PTPN18: variants seen among roughly 807,000 people sequenced by gnomAD.
The protein encoded by PTPN18 is tyrosine-protein phosphatase non-receptor type 18.
Under a neutral mutation model 65.4 loss-of-function variants are expected in PTPN18, and 65 were observed. The ratio of observed to expected loss-of-function variants is 0.99; its 90% CI spans 0.81 to 1.22. The LOEUF (loss-of-function observed/expected upper bound fraction) is 1.22, where lower values mean the gene tolerates loss of function less well. PTPN18 is among the 50% of genes most tolerant of loss of function. PTPN18 has a pLI of 0.00. For missense variants in PTPN18, 616 were observed against 646.5 expected, an observed-to-expected ratio of 0.95 and a Z score of 0.51; for synonymous variants, 255 against 267.8, an observed-to-expected ratio of 0.95 and a Z score of 0.47.
Position 130,373,154 on chromosome 2 carries a change from C to T in PTPN18, c.1316-3C>T, listed in dbSNP as rs1297176429. The stretch of plus-strand genomic sequence containing the variant: ...GAGACCCACGGCACCCTTCTTCTCC[C>T]AGGTTTCAACCTGCGCATTGGGAGG... On this transcript the variant is annotated splice_polypyrimidine_tract_variant and splice_region_variant and intron_variant, in intron 14 of 14. Coordinates refer to ENST00000175756, the MANE Select transcript of PTPN18 (RefSeq NM_014369.4). This position sits in a 1 kb window ranked among gnomAD's most constrained non-coding sequence, Gnocchi z 4.1. 2 of 1,578,590 alleles carry T rather than the reference C, an allele frequency of 1.3e-6. No individual in the cohort carries two copies. The highest frequency in any genetic ancestry group is 2.7e-5 in the African/African-American group (2 of 73,678).
In PTPN18 at chr2:130,369,831, C is replaced by A; in HGVS notation, c.546+4C>A. The A allele has an allele frequency of 6.3e-7, 1 of 1,591,098 alleles. No individual in the cohort carries two copies. Among genetic ancestry groups the A allele is most frequent in the Non-Finnish European group, 8.6e-7 (1 of 1,159,614 alleles). On this transcript the variant is annotated splice_donor_region_variant and intron_variant, in intron 7 of 14. Coordinates refer to ENST00000175756, the MANE Select transcript of PTPN18 (RefSeq NM_014369.4). ...CCTCAAGGTCACATTCCAGAAGGTACTGTGACAGGGGAGGAGGAGGTAAAG... is the reference window on the plus strand; with the variant it reads ...CCTCAAGGTCACATTCCAGAAGGTAATGTGACAGGGGAGGAGGAGGTAAAG...
chr2:130,359,001 C>A, intron 2 of PTPN18, 26 bp downstream of exon 2: 3 of 1,609,414 alleles, frequency 1.9e-6, no homozygotes, highest in Non-Finnish European at 1.7e-6. Context: ...CGTAGGGAGT[C>A]GGTGCAGCCT....
At chr2:130,359,888 T>TC in intron 5 of PTPN18, 1 of 566,036 alleles carries the variant, frequency 1.8e-6, no homozygotes, top group South Asian at 2.1e-5. Context: ...AAGGCCCTAT[T>TC]CTGACTGCTT....
At chr2:130,372,676 C>A in intron 13 of PTPN18, 193 bp downstream of exon 13, 1 of 965,054 alleles carries the variant, frequency 1.0e-6, no homozygotes, top group Non-Finnish European at 1.5e-6. Flanking sequence ...AGTCGCGGTC[C>A]AGGGGCAGGG....
intron 5 of PTPN18, among the ~76,000 whole-genome samples, chr2:130,364,693 G>A (rs1235335699): frequency 6.6e-6 from 1 of 152,214 alleles, no homozygotes; most frequent in East Asian, 1.9e-4. Context: ...CTACTCGGGA[G>A]GCTGAGGCAA....
chr2:130,368,537 C>T (rs1201233107), intron 5 of PTPN18, among the ~76,000 whole-genome samples: 1 of 152,198 alleles, frequency 6.6e-6, no homozygotes, highest in East Asian at 1.9e-4. Context: ...TCCTACAGAT[C>T]CCTACTATTC....
chr2:130,373,332 T>A lies in PTPN18; in HGVS notation c.*108T>A. 1 of 1,177,696 alleles carries A rather than the reference T, an allele frequency of 8.5e-7. No individual in the cohort carries two copies. The highest frequency in any genetic ancestry group is 1.2e-6 in the Non-Finnish European group (1 of 861,140). 73.0% of individuals were successfully genotyped at this position (1,177,696 alleles called of 1,614,324 possible). ...GGAAACAGTGGGCCTGGATCAAAGT[T>A]AAAGTTTCTCAGGGTGGGAAATGTG... On this transcript the variant is annotated 3_prime_UTR_variant, in exon 15 of 15. Transcript: ENST00000175756. The surrounding 1 kb of genome is among the most constrained non-coding windows in gnomAD (Gnocchi z 4.1).
At chr2:130,358,818 T>A in intron 1 of PTPN18, 49 bp from the exon 2 acceptor site, 3 of 1,517,002 alleles carry the variant, frequency 2.0e-6, no homozygotes, top group Non-Finnish European at 2.7e-6. Flanking sequence ...CTGACCTGGC[T>A]CCTCTCCTGT....
Position 130,372,377 on chromosome 2 carries a change from G to C in PTPN18, c.1134G>C (p.Thr378=). 7.3e-7 allele frequency: 1 copy of C among 1,369,126 alleles called. No homozygotes were observed. Among genetic ancestry groups the C allele is most frequent in the Non-Finnish European group, 9.4e-7 (1 of 1,066,938 alleles). 84.8% of individuals were successfully genotyped at this position (1,369,126 alleles called of 1,614,324 possible). Residue 378 remains threonine (T), a synonymous_variant, in exon 13 of 15, where the codon ACG becomes ACC. Transcript: ENST00000175756. ...CGCAGACGGGGACGGGGACGGGGAC[G>C]GGGGCGCGCAGCGCGGAGGAGGCGC... The part of the protein sequence containing the change: ...SGTQTGTGTG[T]GARSAEEAPL...
At position 130,356,215 on chromosome 2, in the gene PTPN18, G is replaced by A. The variant is rs376597799; in HGVS notation, c.93+15G>A. 4.8e-4 allele frequency: 630 copies of A among 1,321,394 alleles called. 3 individuals carry two copies. In the African/African-American group the frequency reaches 8.7e-3, roughly 18 times the overall value. 81.9% of individuals were successfully genotyped at this position (1,321,394 alleles called of 1,614,324 possible). ...GCGAGTTCAGCGTGAGTGGCACACG[G>A]GGTCCGCGAGCGGCGCGCCCCGGCC... On this transcript the variant is annotated intron_variant, in intron 1 of 14. Transcript: ENST00000175756.
At position 130,372,426 on chromosome 2, in the gene PTPN18, C is replaced by T. The variant is rs765796525; in HGVS notation, c.1183C>T (p.Arg395Cys). The T allele has an allele frequency of 7.3e-7, 1 of 1,367,408 alleles. No individual in the cohort carries two copies. Among genetic ancestry groups the T allele is most frequent in the South Asian group, 1.7e-5 (1 of 58,532 alleles). 84.7% of individuals were successfully genotyped at this position (1,367,408 alleles called of 1,614,324 possible). The stretch of plus-strand genomic sequence containing the variant: ...GCCGCTCTACAGCAAGGTGACGCCG[C>T]GCGCCCAGCGACCCGGGGCGCACGC... ...EAPLYSKVTP[R>C]AQRPGAHAED... is the part of the protein sequence containing the mutation. The change falls in exon 13 of 15, where the codon CGC (arginine) becomes TGC (cysteine). Residue 395 changes from arginine (R) to cysteine (C), a missense_variant. By Grantham distance (180) the Arg-to-Cys change is radical. Transcript: ENST00000175756.
chr2:130,371,052 T>C lies in PTPN18; in HGVS notation c.924+88T>C. The C allele has an allele frequency of 2.1e-6, 3 of 1,442,732 alleles. No homozygotes were observed. The South Asian group carries it at 3.6e-5, about 17-fold the overall frequency. 89.4% of individuals were successfully genotyped at this position (1,442,732 alleles called of 1,614,324 possible). A position where few individuals can be genotyped will look rare whatever the true frequency, so the allele number is the denominator to read the frequency against. Reference sequence around the variant, plus strand: ...AGCAGGGTCCAGCCCCCGGGACTACTGGGAGCAGGCACTGACTATGACATC... The same window carrying C: ...AGCAGGGTCCAGCCCCCGGGACTACCGGGAGCAGGCACTGACTATGACATC... On this transcript the variant is annotated intron_variant, in intron 11 of 14. Coordinates refer to ENST00000175756, the MANE Select transcript of PTPN18 (RefSeq NM_014369.4).
intron 11 of PTPN18, 101 bp downstream of exon 11, chr2:130,371,065 T>C: frequency 7.2e-7 from 1 of 1,391,812 alleles, no homozygotes; most frequent in Non-Finnish European, 1.0e-6. Context: ...GAGCAGGCAC[T>C]GACTATGACA....
At chr2:130,367,621 C>T (rs767864642) in intron 5 of PTPN18, among the ~76,000 whole-genome samples, 161 of 152,212 alleles carry the variant, frequency 1.1e-3, no homozygotes, top group Admixed American at 2.0e-3. Flanking sequence ...TTGCAGTGAG[C>T]CGAGATTGAG....
At position 130,370,116 on chromosome 2, in the gene PTPN18, C is replaced by T; in HGVS notation, c.615C>T (p.Asp205=). ...ACCGTGGGGTCCCCAGCAGTCCTGA[C>T]CACATGCTCGCCATGGTGGAGGAAG... ...WPDRGVPSSP[D]HMLAMVEEAR... Residue 205 remains aspartate, a synonymous_variant, in exon 8 of 15, where the codon GAC becomes GAT. Transcript: ENST00000175756. 3 of 1,614,150 alleles carry T rather than the reference C, an allele frequency of 1.9e-6. No individual in the cohort carries two copies. Among genetic ancestry groups the T allele is most frequent in the Non-Finnish European group, 2.5e-6 (3 of 1,180,036 alleles).
In PTPN18 at chr2:130,372,399, G is replaced by A; in HGVS notation, c.1156G>A (p.Ala386Thr). The change falls in exon 13 of 15, where the codon GCG (alanine) becomes ACG (threonine). Residue 386 changes from alanine to threonine, a missense_variant. Coordinates refer to ENST00000175756, the MANE Select transcript of PTPN18 (RefSeq NM_014369.4). Reference sequence around the variant, plus strand: ...GACGGGGGCGCGCAGCGCGGAGGAGGCGCCGCTCTACAGCAAGGTGACGCC... The same window carrying A: ...GACGGGGGCGCGCAGCGCGGAGGAGACGCCGCTCTACAGCAAGGTGACGCC... ...TGTGARSAEE[A>T]PLYSKVTPRA... 2 of 1,365,574 alleles carry A rather than the reference G, an allele frequency of 1.5e-6. No homozygotes were observed. The allele number at this position is 1,365,574 out of a possible 1,614,324, so 84.6% of individuals were successfully genotyped here.
chr2:130,356,792 G>C (rs1679988703), intron 1 of PTPN18: 1 of 382,668 alleles, frequency 2.6e-6, no homozygotes, highest in Non-Finnish European at 5.5e-6. Flanking sequence ...GTGAAATGGG[G>C]ACATGAATGA....
rs150560639 is a variant in PTPN18, at chr2:130,358,958, A to G, written c.185A>G (p.Tyr62Cys). ...SRPENVRKNR[Y>C]KDVLPYDQTR... The stretch of plus-strand genomic sequence containing the variant: ...CCAGAGAACGTGAGGAAGAACCGCT[A>G]CAAAGACGTGCTGCCTTGTAAGTCG... Residue 62 changes from tyrosine (Y) to cysteine (C), a missense_variant, in exon 2 of 15, where the codon TAC (tyrosine) becomes TGC (cysteine). Physicochemically the swap from Tyr to Cys is radical, Grantham distance 194. Coordinates refer to ENST00000175756, the MANE Select transcript of PTPN18 (RefSeq NM_014369.4). The G allele has an allele frequency of 9.7e-4, 1,569 of 1,614,048 alleles. 1 individual carries two copies. Among genetic ancestry groups the G allele is most frequent in the Non-Finnish European group, 1.3e-3 (1,517 of 1,179,998 alleles).
At chr2:130,359,201 A>G in intron 2 of PTPN18, 32 bp from the exon 3 acceptor site, 1 of 1,612,646 alleles carries the variant, frequency 6.2e-7, no homozygotes, top group Non-Finnish European at 8.5e-7. Flanking sequence ...ATCCTACCCA[A>G]ACTCCACGTT....
Sources: allele counts gnomAD v4.1 joint callset (sites outside exome capture counted in the v4.1 genomes callset), GRCh38; gene constraint gnomAD v4.1.1; non-coding constraint Gnocchi (gnomAD v3.1); transcripts MANE v1.5; gene names NCBI Gene and HGNC (gene_info 2026-07-23, HGNC 2026-07-21).